SCAF8: variants seen among roughly 807,000 people sequenced by gnomAD.
SCAF8 encodes the protein SR-related and CTD-associated factor 8.
A neutral mutation model predicts 140.5 loss-of-function variants in SCAF8; 23 were observed. The ratio of observed to expected loss-of-function variants is 0.16; its 90% confidence interval spans 0.12 to 0.23. The LOEUF is 0.23. Among genes scored for constraint, SCAF8 ranks in the 10% least tolerant of loss-of-function variants. SCAF8 has a pLI of 1.00. For missense variants in SCAF8, 1,397 were observed against 1,555.7 expected, an observed-to-expected ratio of 0.90 and a Z score of 1.72; for synonymous variants, 575 against 528.9, an observed-to-expected ratio of 1.09 and a Z score of -1.20.
intron 12 of SCAF8, among the ~76,000 whole-genome samples, chr6:154,814,310 C>G (rs2114659801): frequency 6.6e-6 from 1 of 152,316 alleles, no homozygotes; most frequent in Middle Eastern, 3.4e-3. Flanking sequence ...AGAGTGAGAC[C>G]TGTCTCAGAA....
At chr6:154,787,201 A>G (rs1436739145) in intron 3 of SCAF8, among the ~76,000 whole-genome samples, 1 of 152,238 alleles carries the variant, frequency 6.6e-6, no homozygotes, top group African/African-American at 2.4e-5. Flanking sequence ...CCAAAAAAAC[A>G]TACAGGAATT....
chr6:154,787,760 G>C, intron 3 of SCAF8, 101 bp from the exon 4 acceptor site: 1 of 891,252 alleles, frequency 1.1e-6, no homozygotes, highest in Non-Finnish European at 1.7e-6. Flanking sequence ...CCATAGCATA[G>C]GCAATGTCTT....
intron 2 of SCAF8, among the ~76,000 whole-genome samples, chr6:154,777,171 AGT>A (rs1278414165): frequency 2.6e-5 from 4 of 151,888 alleles, no homozygotes; most frequent in Non-Finnish European, 5.9e-5. Flanking sequence ...ACAGAGTGAG[AGT>A]GTGTCTCCAA....
Position 154,802,165 on chromosome 6 carries a change from G to A in SCAF8, c.783+18G>A. On this transcript the variant is annotated intron_variant, in intron 7 of 19. Transcript: ENST00000367178. ...TTAACAAGGTAGAAATTAAAATATCGGATCAAGTCTATATGAATTATTAAA... is the reference window on the plus strand; with the variant it reads ...TTAACAAGGTAGAAATTAAAATATCAGATCAAGTCTATATGAATTATTAAA... 6 of 1,501,310 alleles carry A rather than the reference G, an allele frequency of 4.0e-6. No homozygotes were observed. Among genetic ancestry groups the A allele is most frequent in the African/African-American group, 1.4e-5 (1 of 70,778 alleles). The allele number at this position is 1,501,310 out of a possible 1,614,324, so 93.0% of individuals were successfully genotyped here.
intron 6 of SCAF8, among the ~76,000 whole-genome samples, chr6:154,799,327 G>A (rs1355581231): frequency 1.3e-5 from 2 of 150,986 alleles, no homozygotes; most frequent in East Asian, 3.9e-4. Flanking sequence ...TGCCCAGGCT[G>A]GTCTCAGACT....
At chr6:154,765,899 A>T (rs1209125449) in intron 1 of SCAF8, among the ~76,000 whole-genome samples, 1 of 152,160 alleles carries the variant, frequency 6.6e-6, no homozygotes, top group Non-Finnish European at 1.5e-5. Context: ...CCCATGAACA[A>T]TGGGAGGTTT....
rs1419212636 is a variant in SCAF8 at position 154,833,218 on chromosome 6, G to A, written c.3639G>A (p.Gln1213=). 3 of 1,613,960 alleles carry A rather than the reference G, an allele frequency of 1.9e-6. No individual in the cohort carries two copies. Among genetic ancestry groups the A allele is most frequent in the Non-Finnish European group, 2.5e-6 (3 of 1,180,014 alleles). ...TSQRKGDNVP[Q]VNGENTERHA... Reference sequence around the variant, plus strand: ...AACGAAAAGGTGATAATGTGCCTCAGGTTAATGGTGAAAATACAGAGAGAC... The same window carrying A: ...AACGAAAAGGTGATAATGTGCCTCAAGTTAATGGTGAAAATACAGAGAGAC... Residue 1213 remains glutamine (Q), a synonymous_variant, in exon 20 of 20, where the codon CAG becomes CAA. Coordinates refer to ENST00000367178, the MANE Select transcript of SCAF8 (RefSeq NM_014892.5).
At chr6:154,779,775 GTGTGTGTATATATATATA>G (rs1345335989) in intron 3 of SCAF8, among the ~76,000 whole-genome samples, 4 of 91,834 alleles carry the variant, frequency 4.4e-5, no homozygotes, top group African/African-American at 2.8e-4. Flanking sequence ...GTGTGTGTGT[GTGTGTGTATATATATATA>G]TATATATACA....
Position 154,833,310 on chromosome 6 carries a change from A to G in SCAF8, c.3731A>G (p.Asn1244Ser), listed in dbSNP as rs1236917567. ...PELYEKLTSS[N>S]EINKEKSDTV... ...CTTTATGAAAAACTGACATCTTCAA[A>G]TGAAATAAACAAGGAGAAGAGTGAC... Residue 1244 changes from asparagine (N) to serine (S), a missense_variant, in exon 20 of 20, where the codon AAT becomes AGT. Coordinates refer to ENST00000367178, the MANE Select transcript of SCAF8 (RefSeq NM_014892.5). 11 of 1,614,050 alleles carry G rather than the reference A, an allele frequency of 6.8e-6. No individual in the cohort carries two copies. The highest frequency in any genetic ancestry group is 2.2e-5 in the East Asian group (1 of 44,846).
intron 1 of SCAF8, among the ~76,000 whole-genome samples, chr6:154,752,346 T>G (rs1778857579): frequency 6.6e-6 from 1 of 152,204 alleles, no homozygotes; most frequent in Non-Finnish European, 1.5e-5. Context: ...TAATCTTTTC[T>G]TAGCCTCATT....
intron 8 of SCAF8, 107 bp from the exon 9 acceptor site, chr6:154,805,262 G>T: frequency 1.6e-6 from 1 of 611,324 alleles, no homozygotes; most frequent in Non-Finnish European, 2.9e-6. Context: ...ACATGCAGTA[G>T]AATATGTTTT....
chr6:154,810,314 A>C, intron 12 of SCAF8, 106 bp downstream of exon 12: 1 of 792,864 alleles, frequency 1.3e-6, no homozygotes, highest in Admixed American at 3.4e-5. Flanking sequence ...TAAGGTTAAA[A>C]GTGGTTTGGT....
In SCAF8 at chr6:154,795,124, T is replaced by C; in HGVS notation, c.591T>C (p.Ser197=). ...TLAAVAQILQ[S]PQGQQLQQLI... ...CGGCTGTAGCTCAGATCTTGCAAAGTCCTCAAGGCCAGCAGGTGAGCGGTT... is the reference window on the plus strand; with the variant it reads ...CGGCTGTAGCTCAGATCTTGCAAAGCCCTCAAGGCCAGCAGGTGAGCGGTT... The change falls in exon 6 of 20, where the codon AGT becomes AGC. Residue 197 remains serine, a synonymous_variant. Coordinates refer to ENST00000367178, the MANE Select transcript of SCAF8 (RefSeq NM_014892.5). 2 of 1,605,080 alleles carry C rather than the reference T, an allele frequency of 1.2e-6. No individual in the cohort carries two copies. Among genetic ancestry groups the C allele is most frequent in the Non-Finnish European group, 1.7e-6 (2 of 1,178,010 alleles).
rs1262947367 is a variant in SCAF8 at position 154,832,823 on chromosome 6, A to G, written c.3244A>G (p.Arg1082Gly). ...GCCAGGTATAGATCATCTTGGTCGA[A>G]GAGACCACTTTGGCTTTAATCCAGA... ...VRPGIDHLGRRDHFGFNPEKP... is the reference protein window; with the variant it reads ...VRPGIDHLGRGDHFGFNPEKP... The change falls in exon 20 of 20, where the codon AGA becomes GGA. Residue 1082 changes from arginine to glycine, a missense_variant. Physicochemically the swap from Arg to Gly is moderately radical, Grantham distance 125. This residue lies in a region of SCAF8 where 930 missense variants were observed against 874.6 expected (regional missense o/e 1.06). Transcript: ENST00000367178. The G allele has an allele frequency of 1.2e-6, 2 of 1,614,044 alleles. No individual in the cohort carries two copies. Among genetic ancestry groups the G allele is most frequent in the South Asian group, 2.2e-5 (2 of 91,072 alleles).
At position 154,754,556 on chromosome 6, in the gene SCAF8, T is replaced by C. The variant is rs560424682; in HGVS notation, c.31-19433T>C. Among the ~76,000 whole-genome samples the C allele has an allele frequency of 2.8e-4, 42 of 152,358 alleles. 1 individual carries two copies. The highest frequency in any genetic ancestry group is 9.9e-4 in the African/African-American group (41 of 41,582). Reference sequence around the variant, plus strand: ...AAACGAGAATAGTAAATATCAATCTTATCAGGCCATTCTGAAAGCAAAAAC... The same window carrying C: ...AAACGAGAATAGTAAATATCAATCTCATCAGGCCATTCTGAAAGCAAAAAC... On this transcript the variant is annotated intron_variant, in intron 1 of 19. Transcript: ENST00000367178.
At chr6:154,786,778 T>G (rs928235329) in intron 3 of SCAF8, among the ~76,000 whole-genome samples, 1 of 152,218 alleles carries the variant, frequency 6.6e-6, no homozygotes, top group African/African-American at 2.4e-5. Flanking sequence ...AGAGGAAAAT[T>G]TTAAAGTATT....
chr6:154,810,292 T>G, intron 12 of SCAF8, 84 bp downstream of exon 12: 1 of 1,005,628 alleles, frequency 9.9e-7, no homozygotes, highest in Non-Finnish European at 1.4e-6. Flanking sequence ...CAGCCAAATT[T>G]TATTTTCAGA....
chr6:154,760,220 G>GTGGTTAAA (rs1251013503), intron 1 of SCAF8, among the ~76,000 whole-genome samples: 2 of 152,142 alleles, frequency 1.3e-5, no homozygotes, highest in Admixed American at 6.5e-5. Flanking sequence ...CTTTAACCCG[G>GTGGTTAAA]GTGGTGGAGG....
chr6:154,824,206 A>C, intron 16 of SCAF8, 28 bp from the exon 17 acceptor site: 1 of 1,610,060 alleles, frequency 6.2e-7, no homozygotes, highest in Non-Finnish European at 8.5e-7. Flanking sequence ...TAAACTGATG[A>C]GTGAACTTTT....
Sources: gnomAD v4.1 joint callset for allele counts (sites outside exome capture counted in the v4.1 genomes callset) on GRCh38, gnomAD v4.1.1 for gene constraint, gnomAD v4.1.1 regional missense constraint, MANE v1.5 for transcripts, NCBI Gene and HGNC (gene_info 2026-07-23, HGNC 2026-07-21) for gene names.